The following NUMB variants were observed in gnomAD, a reference collection of about 807,000 sequenced individuals.
NUMB encodes the protein NUMB endocytic adaptor protein.
In NUMB, 29 loss-of-function variants were observed where a neutral mutation model predicts 59.7. The ratio of observed to expected loss-of-function variants is 0.49; its 90% CI spans 0.36 to 0.66. The LOEUF (loss-of-function observed/expected upper bound fraction) is 0.66, where lower values mean the gene tolerates loss of function less well. NUMB is among the 30% of genes least tolerant of loss of function. The pLI, the probability that NUMB is intolerant of heterozygous loss-of-function variation, is 0.00. For synonymous variants in NUMB, 288 were observed against 288.2 expected (o/e 1.00, Z 0.01); for missense variants, 723 against 822.0 (o/e 0.88, Z 1.47).
At chr14:73,365,645 A>C (rs1894312189) in intron 3 of NUMB, among the ~76,000 whole-genome samples, 1 of 152,106 alleles carries the variant, frequency 6.6e-6, no homozygotes, top group Non-Finnish European at 1.5e-5. Flanking sequence ...AAAGCTACAG[A>C]GCTCTGGGGT....
At chr14:73,303,450 T>C (rs925014440) in intron 6 of NUMB, among the ~76,000 whole-genome samples, 4 of 151,828 alleles carry the variant, frequency 2.6e-5, no homozygotes, top group African/African-American at 9.7e-5. Flanking sequence ...CGTGGTGACA[T>C]GCGCCTGTAG....
At chr14:73,354,270 A>C (rs1168871363) in intron 4 of NUMB, among the ~76,000 whole-genome samples, 1 of 151,880 alleles carries the variant, frequency 6.6e-6, no homozygotes, top group Non-Finnish European at 1.5e-5. Flanking sequence ...GCACTTTGGG[A>C]AGCTGAAGCA....
chr14:73,306,207 G>C (rs563348911), intron 6 of NUMB, among the ~76,000 whole-genome samples: 1 of 152,236 alleles, frequency 6.6e-6, no homozygotes, highest in South Asian at 2.1e-4. Flanking sequence ...GGCACTTAAA[G>C]GCTTTTAGGA....
chr14:73,290,611 C>G (rs1273099091), intron 8 of NUMB, among the ~76,000 whole-genome samples: 1 of 152,204 alleles, frequency 6.6e-6, no homozygotes, highest in Non-Finnish European at 1.5e-5. Flanking sequence ...TAAACGTTGG[C>G]AAGAGCTTTA....
chr14:73,314,545 G>A (rs1190658153), intron 6 of NUMB, among the ~76,000 whole-genome samples: 1 of 152,016 alleles, frequency 6.6e-6, no homozygotes, highest in Non-Finnish European at 1.5e-5. Flanking sequence ...TAAATACTGT[G>A]ACCTCAGGAT....
At chr14:73,362,478 T>G (rs1566761640) in intron 3 of NUMB, among the ~76,000 whole-genome samples, 1 of 152,104 alleles carries the variant, frequency 6.6e-6, no homozygotes, top group Non-Finnish European at 1.5e-5. Context: ...CATCTCACTC[T>G]TGTCACCCAG....
intron 6 of NUMB, among the ~76,000 whole-genome samples, chr14:73,303,788 C>CT (rs5809611): frequency 7.9e-5 from 12 of 151,740 alleles, no homozygotes; most frequent in Non-Finnish European, 1.6e-4. Flanking sequence ...GACAAAAATC[C>CT]TTTTTTTTTC....
intron 6 of NUMB, among the ~76,000 whole-genome samples, chr14:73,312,076 TA>T (rs1314693659): frequency 1.3e-5 from 2 of 151,682 alleles, no homozygotes; most frequent in East Asian, 1.9e-4. Flanking sequence ...CACCATGACA[TA>T]AAAAAAAATT....
chr14:73,364,622 A>G (rs1480332020), intron 3 of NUMB, among the ~76,000 whole-genome samples: 1 of 152,192 alleles, frequency 6.6e-6, no homozygotes, highest in Non-Finnish European at 1.5e-5. Flanking sequence ...TAAGTGCAAC[A>G]TAAGAATGCG....
At chr14:73,325,366 A>T (rs1891608308) in intron 4 of NUMB, among the ~76,000 whole-genome samples, 1 of 152,164 alleles carries the variant, frequency 6.6e-6, no homozygotes, top group Non-Finnish European at 1.5e-5. Flanking sequence ...AGGCAGAAGG[A>T]TTGCTTAAGC....
At chr14:73,323,386 T>G (rs923670279) in intron 4 of NUMB, among the ~76,000 whole-genome samples, 182 bp from the exon 5 acceptor site, 3 of 152,228 alleles carry the variant, frequency 2.0e-5, no homozygotes, top group African/African-American at 7.2e-5. Flanking sequence ...TTGAAATTCC[T>G]ACACTCAAGA....
chr14:73,435,509 C>T (rs1898017493), intron 1 of NUMB, among the ~76,000 whole-genome samples: 2 of 151,148 alleles, frequency 1.3e-5, no homozygotes, highest in South Asian at 2.1e-4. Context: ...CTCCTGACCT[C>T]GTGATCTGCC....
chr14:73,307,876 G>A (rs1890549202), intron 6 of NUMB, among the ~76,000 whole-genome samples: 1 of 151,612 alleles, frequency 6.6e-6, no homozygotes, highest in Admixed American at 6.6e-5. Context: ...GGGACTATAG[G>A]CGCCCGCCAC....
rs71427186 is a variant in NUMB, at chr14:73,355,192, G to A, written c.126+434C>T. Among the ~76,000 whole-genome samples, 478 of 152,180 alleles carry A rather than the reference G, an allele frequency of 3.1e-3. 1 individual carries two copies. Among genetic ancestry groups the A allele is most frequent in the Middle Eastern group, 6.8e-3 (2 of 294 alleles). The stretch of plus-strand genomic sequence containing the variant: ...GTTTAAATGACCTCTGTACCATTAA[G>A]GAAAACTCCCTTTGATTTAACTCTT... On this transcript the variant is annotated intron_variant, in intron 4 of 12. Coordinates refer to ENST00000555238, the MANE Select transcript of NUMB (RefSeq NM_001005743.2).
intron 1 of NUMB, among the ~76,000 whole-genome samples, chr14:73,448,437 C>T (rs1248527033): frequency 1.3e-5 from 2 of 151,492 alleles, no homozygotes; most frequent in African/African-American, 4.9e-5. Context: ...AGCAATTCTC[C>T]CTCCTTGGCT....
rs966923756 is a variant in NUMB at position 73,275,568 on chromosome 14, T to A, written c.*1010A>T. 6.6e-6 allele frequency: 1 copy of A among 152,118 alleles called. No individual in the cohort carries two copies. Among genetic ancestry groups the A allele is most frequent in the African/African-American group, 2.4e-5 (1 of 41,420 alleles). The allele number at this position is 152,118 out of a possible 1,614,324, so 9.4% of individuals were successfully genotyped here. ...ATGATTATGTCATGTTACCTTAGTG[T>A]TAAAGGATTAACATAAGGAAACTGC... On this transcript the variant is annotated 3_prime_UTR_variant, in exon 13 of 13. Coordinates refer to ENST00000555238, the MANE Select transcript of NUMB (RefSeq NM_001005743.2).
chr14:73,404,260 A>AAATAATAATAAT (rs10677503), intron 2 of NUMB, among the ~76,000 whole-genome samples: 1 of 145,934 alleles, frequency 6.9e-6, no homozygotes, highest in East Asian at 2.0e-4. Flanking sequence ...AAAAAAGGTA[A>AAATAATAATAAT]AATAATAATA....
intron 4 of NUMB, among the ~76,000 whole-genome samples, chr14:73,333,296 G>A (rs960437998): frequency 6.6e-6 from 1 of 152,178 alleles, no homozygotes; most frequent in African/African-American, 2.4e-5. Flanking sequence ...GTGTGAAGTG[G>A]TATCTTTGTG....
intron 2 of NUMB, among the ~76,000 whole-genome samples, chr14:73,387,757 AAAC>A (rs1369912674): frequency 0.044 from 6,603 of 149,566 alleles, 507 homozygotes; most frequent in African/African-American, 0.16. Flanking sequence ...AAAAACAAAC[AAAC>A]AAAAAAAAAA....
Sources: gnomAD v4.1 joint callset for allele counts (sites outside exome capture counted in the v4.1 genomes callset) on GRCh38, gnomAD v4.1.1 for gene constraint, MANE v1.5 for transcripts, NCBI Gene and HGNC (gene_info 2026-07-23, HGNC 2026-07-21) for gene names.